EIPR1: variants seen among roughly 807,000 people sequenced by gnomAD.
The protein encoded by EIPR1 is EARP complex and GARP complex interacting protein 1, also known as EARP and GARP complex-interacting protein 1.
EIPR1 carries 25 observed loss-of-function variants against 48.1 expected under a neutral mutation model. The observed-to-expected ratio is 0.52, with a 90% CI of 0.38 to 0.73. The LOEUF (loss-of-function observed/expected upper bound fraction) is 0.73, where lower values mean the gene tolerates loss of function less well. Ranked by LOEUF, EIPR1 falls within the 30% of genes least tolerant of loss-of-function variation. The pLI is 0.00. For synonymous variants in EIPR1, 204 were observed against 201.9 expected (o/e 1.01, Z -0.09); for missense variants, 415 against 506.2 (o/e 0.82, Z 1.73).
rs912529156 is a variant in EIPR1 at position 3,214,313 on chromosome 2, A to G, written c.417-65T>C. The G allele has an allele frequency of 6.9e-6, 10 of 1,446,650 alleles. No homozygotes were observed. In the Admixed American group the frequency reaches 8.7e-5, roughly 13 times the overall value. 89.6% of individuals were successfully genotyped at this position (1,446,650 alleles called of 1,614,324 possible). A position where few individuals can be genotyped will look rare whatever the true frequency, so the allele number is the denominator to read the frequency against. ...TGAGATACCCAGGCTGGTAGGTAAG[A>G]GCTGTGATACATGTTCTTCATGACG... On this transcript the variant is annotated intron_variant, in intron 4 of 8. Transcript: ENST00000382125.
intron 3 of EIPR1, among the ~76,000 whole-genome samples, chr2:3,329,160 C>T (rs1669803743): frequency 6.7e-6 from 1 of 149,166 alleles, no homozygotes; most frequent in South Asian, 2.2e-4. Context: ...CAGAGCCCAC[C>T]CACCAGGCTC....
At chr2:3,283,235 T>C (rs1329429810) in intron 3 of EIPR1, among the ~76,000 whole-genome samples, 1 of 152,202 alleles carries the variant, frequency 6.6e-6, no homozygotes, top group Non-Finnish European at 1.5e-5. Context: ...AGAGGGTCCA[T>C]GCAGCAAATG....
chr2:3,287,437 A>ATGC, intron 3 of EIPR1, among the ~76,000 whole-genome samples: 1 of 119,266 alleles, frequency 8.4e-6, no homozygotes, highest in Non-Finnish European at 1.7e-5. Context: ...CTCGTTCACA[A>ATGC]TCCAGAAAGC....
intron 3 of EIPR1, among the ~76,000 whole-genome samples, chr2:3,306,520 A>T (rs543709433): frequency 6.6e-6 from 1 of 152,338 alleles, no homozygotes. Context: ...CAAAAACTTA[A>T]CTACTAATAG....
chr2:3,241,996 C>G (rs775258020), intron 4 of EIPR1, among the ~76,000 whole-genome samples: 1 of 152,162 alleles, frequency 6.6e-6, no homozygotes, highest in Non-Finnish European at 1.5e-5. Flanking sequence ...CGACTACATT[C>G]GATGGTGTGC....
chr2:3,202,499 A>G (rs1188582072), intron 5 of EIPR1, among the ~76,000 whole-genome samples: 1 of 152,226 alleles, frequency 6.6e-6, no homozygotes, highest in African/African-American at 2.4e-5. Flanking sequence ...TCTACTAACT[A>G]TATTGGTTCA....
chr2:3,364,422 G>A (rs1437188067), intron 1 of EIPR1, among the ~76,000 whole-genome samples: 1 of 152,044 alleles, frequency 6.6e-6, no homozygotes, highest in Non-Finnish European at 1.5e-5. Context: ...TTGAGCTCAG[G>A]AGTTTGAGAC....
chr2:3,269,654 C>A (rs1406092561), intron 3 of EIPR1, among the ~76,000 whole-genome samples: 1 of 147,448 alleles, frequency 6.8e-6, no homozygotes, highest in African/African-American at 2.5e-5. Flanking sequence ...AATCATCACA[C>A]TCAATCATCA....
intron 5 of EIPR1, among the ~76,000 whole-genome samples, chr2:3,205,675 C>T (rs574108465): frequency 6.6e-6 from 1 of 152,362 alleles, no homozygotes; most frequent in South Asian, 2.1e-4. Context: ...GGAAACTTCC[C>T]TTCCCTATCT....
chr2:3,296,209 C>A (rs1222947477), intron 3 of EIPR1, among the ~76,000 whole-genome samples: 1 of 133,534 alleles, frequency 7.5e-6, no homozygotes, highest in Non-Finnish European at 1.6e-5. Flanking sequence ...CCCATCCTCT[C>A]TACACAGACA....
intron 4 of EIPR1, among the ~76,000 whole-genome samples, chr2:3,248,588 C>T (rs994317302): frequency 5.4e-5 from 8 of 149,430 alleles, no homozygotes; most frequent in Non-Finnish European, 8.9e-5. Context: ...ACCAAGACTC[C>T]GTCTCGAAAA....
chr2:3,204,908 C>T (rs1665175588), intron 5 of EIPR1, among the ~76,000 whole-genome samples: 1 of 152,018 alleles, frequency 6.6e-6, no homozygotes, highest in Admixed American at 6.5e-5. Flanking sequence ...GCAGACCCTA[C>T]TACATGTAGG....
At chr2:3,257,148 T>C in intron 4 of EIPR1, 151 bp downstream of exon 4, 2 of 1,034,146 alleles carry the variant, frequency 1.9e-6, no homozygotes. Context: ...ACACAGGGAC[T>C]AAAATTAAAA....
chr2:3,376,068 A>G lies in EIPR1; in HGVS notation c.42+1580T>C, dbSNP rs1043603257. Among the ~76,000 whole-genome samples the G allele has an allele frequency of 9.9e-5, 15 of 152,080 alleles. No individual in the cohort carries two copies. In the East Asian group the frequency reaches 2.5e-3, roughly 26 times the overall value. The stretch of plus-strand genomic sequence containing the variant: ...GGAGGGCAGATCACTTGAGCTCAGG[A>G]GTGTGAGACCAGCCTGGGCAACATG... On this transcript the variant is annotated intron_variant, in intron 1 of 8. Coordinates refer to ENST00000382125, the MANE Select transcript of EIPR1 (RefSeq NM_003310.5).
At chr2:3,314,127 T>C (rs954856665) in intron 3 of EIPR1, among the ~76,000 whole-genome samples, 6 of 152,132 alleles carry the variant, frequency 3.9e-5, no homozygotes, top group Non-Finnish European at 7.4e-5. Context: ...GCTGGCAGCT[T>C]TTCATGGCTC....
chr2:3,248,391 C>T (rs183626418), intron 4 of EIPR1, among the ~76,000 whole-genome samples: 5 of 152,272 alleles, frequency 3.3e-5, no homozygotes, highest in Admixed American at 2.0e-4. Flanking sequence ...GTCAGGAGTT[C>T]GAGACCAGCC....
chr2:3,240,563 T>C (rs1272182172), intron 4 of EIPR1, among the ~76,000 whole-genome samples: 1 of 145,174 alleles, frequency 6.9e-6, no homozygotes. Context: ...AGTAGATCCC[T>C]CCTAAAGCAA....
intron 3 of EIPR1, among the ~76,000 whole-genome samples, chr2:3,289,360 C>G (rs932565920): frequency 6.6e-6 from 1 of 152,112 alleles, no homozygotes; most frequent in Non-Finnish European, 1.5e-5. Context: ...ACCCAGGGAC[C>G]CAGAGTATGT....
chr2:3,221,767 T>C (rs12714368), intron 4 of EIPR1, among the ~76,000 whole-genome samples: 1,542 of 5,714 alleles, frequency 0.27, 591 homozygotes, highest in Middle Eastern at 0.75. Flanking sequence ...CGGGAACACA[T>C]GCACACAATG....
Sources: gnomAD v4.1 joint callset for allele counts (sites outside exome capture counted in the v4.1 genomes callset) on GRCh38, gnomAD v4.1.1 for gene constraint, MANE v1.5 for transcripts, NCBI Gene and HGNC (gene_info 2026-07-23, HGNC 2026-07-21) for gene names.